The following VPS37A variants were observed in gnomAD, a reference collection of about 807,000 sequenced individuals.
VPS37A encodes VPS37A subunit of ESCRT-I, also known as vacuolar protein sorting-associated protein 37A.
VPS37A carries 30 observed loss-of-function variants against 49.8 expected under a neutral mutation model. That is an observed-to-expected ratio of 0.60 (90% confidence interval 0.45 to 0.82). VPS37A has a LOEUF of 0.82. Ranked by LOEUF, VPS37A falls within the 40% of genes least tolerant of loss-of-function variation. The probability of loss-of-function intolerance (pLI) is 0.00; values close to 1 mark genes in which losing one functional copy is unlikely to be tolerated. For synonymous variants in VPS37A, 195 were observed against 160.6 expected, an observed-to-expected ratio of 1.21 and a Z score of -1.62; for missense variants, 593 against 464.4, an observed-to-expected ratio of 1.28 and a Z score of -2.55.
In VPS37A at chr8:17,297,240, G is replaced by A. The variant is rs1461690511; in HGVS notation, c.*2254G>A. 6.6e-6 allele frequency: 1 copy of A among 152,000 alleles called. No homozygotes were observed. Among genetic ancestry groups the A allele is most frequent in the Non-Finnish European group, 1.5e-5 (1 of 67,968 alleles). The allele number at this position is 152,000 out of a possible 1,614,324, so 9.4% of individuals were successfully genotyped here. A position where few individuals can be genotyped will look rare whatever the true frequency, so the allele number is the denominator to read the frequency against. ...AATTTGTCATAGGTAGAGATTTAAAGGTTAATATCTTAAAATAGAAGAAAA... is the reference window on the plus strand; with the variant it reads ...AATTTGTCATAGGTAGAGATTTAAAAGTTAATATCTTAAAATAGAAGAAAA... On this transcript the variant is annotated 3_prime_UTR_variant, in exon 12 of 12. Transcript: ENST00000324849.
chr8:17,291,287 A>G (rs1179405546), intron 11 of VPS37A, among the ~76,000 whole-genome samples: 1 of 152,208 alleles, frequency 6.6e-6, no homozygotes, highest in East Asian at 1.9e-4. Context: ...TGCTGGGATT[A>G]CAGGTGTGAG....
chr8:17,268,940 TCAA>T lies in VPS37A; in HGVS notation c.403_405del (p.Thr135del). 2 of 1,605,008 alleles carry T rather than the reference TCAA, an allele frequency of 1.2e-6. No individual in the cohort carries two copies. The highest frequency in any genetic ancestry group is 1.7e-6 in the Non-Finnish European group (2 of 1,176,272). Reference sequence around the variant, plus strand: ...GAATCCTCCAGTTTTAGCTCCTACTTCAACAGCATTTCCTTAGTAAGTATATTT... The same window carrying T: ...GAATCCTCCAGTTTTAGCTCCTACTTCAGCATTTCCTTAGTAAGTATATTT... On this transcript the variant is annotated inframe_deletion, in exon 4 of 12. Transcript: ENST00000324849.
At chr8:17,283,173 A>T (rs1316943147) in intron 9 of VPS37A, among the ~76,000 whole-genome samples, 1 of 149,882 alleles carries the variant, frequency 6.7e-6, no homozygotes, top group Non-Finnish European at 1.5e-5. Context: ...CATGGCCATT[A>T]TTTTTTTTTT....
the VPS37A span, chr8:17,311,600 A>G: frequency 5.0e-6 from 8 of 1,614,152 alleles, no homozygotes; most frequent in Non-Finnish European, 6.8e-6. Flanking sequence ...CCATCAGAAC[A>G]GTGAACAAGC....
the VPS37A span, among the ~76,000 whole-genome samples, chr8:17,323,985 G>A: frequency 1.3e-5 from 2 of 152,156 alleles, no homozygotes; most frequent in South Asian, 2.1e-4. Context: ...ACATCGCTGA[G>A]AGAAATATAA....
At chr8:17,278,590 C>A (rs1814745283) in intron 6 of VPS37A, among the ~76,000 whole-genome samples, 1 of 152,066 alleles carries the variant, frequency 6.6e-6, no homozygotes, top group African/African-American at 2.4e-5. Context: ...ATGAACATTT[C>A]TTCTCCCAGA....
intron 4 of VPS37A, among the ~76,000 whole-genome samples, chr8:17,272,314 G>A (rs944326554): frequency 1.3e-5 from 2 of 151,854 alleles, no homozygotes; most frequent in Non-Finnish European, 2.9e-5. Flanking sequence ...CCACTTCCAG[G>A]TACTTCAGCC....
chr8:17,267,182 A>G (rs181643628), intron 2 of VPS37A, among the ~76,000 whole-genome samples: 1 of 152,190 alleles, frequency 6.6e-6, no homozygotes, highest in Non-Finnish European at 1.5e-5. Context: ...TTACCAAACT[A>G]GTTTTAAAAT....
chr8:17,296,376 ATAAT>A lies in VPS37A; in HGVS notation c.*1397_*1400del, dbSNP rs1282579616. 1 of 152,158 alleles carries A rather than the reference ATAAT, an allele frequency of 6.6e-6. No homozygotes were observed. Among genetic ancestry groups the A allele is most frequent in the Admixed American group, 6.5e-5 (1 of 15,280 alleles). 9.4% of individuals were successfully genotyped at this position (152,158 alleles called of 1,614,324 possible). On this transcript the variant is annotated 3_prime_UTR_variant, in exon 12 of 12. Coordinates refer to ENST00000324849, the MANE Select transcript of VPS37A (RefSeq NM_152415.3). ...TTCAAAGTGACCAGATGAGGAAGGAATAATTAATTATTACTCCTGATTTGTAGAT... is the reference window on the plus strand; with the variant it reads ...TTCAAAGTGACCAGATGAGGAAGGAATAATTATTACTCCTGATTTGTAGAT...
chr8:17,302,436 TG>T, downstream of VPS37A: 1 of 765,158 alleles, frequency 1.3e-6, no homozygotes, highest in Non-Finnish European at 2.0e-6. Flanking sequence ...AATAATTTCA[TG>T]TTGATGTTTT....
chr8:17,321,427 G>A, the VPS37A span, among the ~76,000 whole-genome samples: 5 of 152,240 alleles, frequency 3.3e-5, no homozygotes, highest in Non-Finnish European at 7.3e-5. Flanking sequence ...AACATTGCGT[G>A]TGCTAAGTAA....
chr8:17,266,704 T>C (rs1813493732), intron 2 of VPS37A, among the ~76,000 whole-genome samples: 1 of 152,208 alleles, frequency 6.6e-6, no homozygotes, highest in South Asian at 2.1e-4. Flanking sequence ...GGAGACCTTA[T>C]TAAATACTAA....
the VPS37A span, among the ~76,000 whole-genome samples, chr8:17,317,948 A>T: frequency 6.6e-6 from 1 of 151,966 alleles, no homozygotes; most frequent in Non-Finnish European, 1.5e-5. Flanking sequence ...GTGGGAAGTC[A>T]GGAGGAGGTG....
intron 1 of VPS37A, among the ~76,000 whole-genome samples, chr8:17,261,748 G>C (rs940020665): frequency 6.6e-6 from 1 of 152,190 alleles, no homozygotes; most frequent in Non-Finnish European, 1.5e-5. Flanking sequence ...CTCCCAAAGG[G>C]GATATCCCAA....
At chr8:17,307,586 T>C in the VPS37A span, among the ~76,000 whole-genome samples, 9 of 151,948 alleles carry the variant, frequency 5.9e-5, no homozygotes, top group Non-Finnish European at 2.9e-5. Flanking sequence ...CACATGCACA[T>C]GAATGTTTAT....
At chr8:17,329,225 C>A in the VPS37A span, among the ~76,000 whole-genome samples, 1 of 152,134 alleles carries the variant, frequency 6.6e-6, no homozygotes, top group African/African-American at 2.4e-5. Flanking sequence ...GGAGGAAAAG[C>A]CTTAGAAGGT....
the VPS37A span, among the ~76,000 whole-genome samples, chr8:17,325,981 T>C: frequency 6.6e-6 from 1 of 152,228 alleles, no homozygotes. Context: ...CTTTATAGTT[T>C]GCAAGAAATC....
the VPS37A span, among the ~76,000 whole-genome samples, chr8:17,325,343 G>A: frequency 5.5e-4 from 83 of 152,244 alleles, no homozygotes; most frequent in African/African-American, 1.9e-3. Flanking sequence ...CACACCGAAT[G>A]AAGATTTCAA....
At chr8:17,248,155 A>G (rs970705977) in intron 1 of VPS37A, 1 of 367,982 alleles carries the variant, frequency 2.7e-6, no homozygotes, top group African/African-American at 2.1e-5. Context: ...ATGGTTTTCA[A>G]AAATTAGAAC....
Sources: gnomAD v4.1 joint callset for allele counts (sites outside exome capture counted in the v4.1 genomes callset) on GRCh38, gnomAD v4.1.1 for gene constraint, MANE v1.5 for transcripts, NCBI Gene and HGNC (gene_info 2026-07-23, HGNC 2026-07-21) for gene names.